Variants in NSD2 observed in about 807,000 individuals in gnomAD.
NSD2 encodes the protein histone-lysine N-methyltransferase NSD2.
In NSD2, 12 loss-of-function variants were observed where a neutral mutation model predicts 139.0. The observed-to-expected ratio is 0.09, with a 90% CI of 0.06 to 0.14. The LOEUF is 0.14. NSD2 is among the 10% of genes least tolerant of loss of function. The pLI is 1.00. For missense variants in NSD2, 1,155 were observed against 1,745.0 expected, an observed-to-expected ratio of 0.66 and a Z score of 6.02; for synonymous variants, 669 against 648.7, an observed-to-expected ratio of 1.03 and a Z score of -0.48.
At position 1,974,845 on chromosome 4, in the gene NSD2, T is replaced by C. The variant is rs1046413494; in HGVS notation, c.3373-18T>C. 6.2e-7 allele frequency: 1 copy of C among 1,613,720 alleles called. No homozygotes were observed. Among genetic ancestry groups the C allele is most frequent in the Admixed American group, 1.7e-5 (1 of 59,992 alleles). On this transcript the variant is annotated intron_variant, in intron 18 of 21. Transcript: ENST00000508803. The surrounding 1 kb of genome is among the most constrained non-coding windows in gnomAD (Gnocchi z 4.0). ...GCGATTGCTAACACTTGACCGAATA[T>C]ATCACTTGACCTTACAGGACCGTAT...
At chr4:1,916,291 G>A (rs1361573443) in intron 3 of NSD2, among the ~76,000 whole-genome samples, 1 of 152,088 alleles carries the variant, frequency 6.6e-6, no homozygotes, top group African/African-American at 2.4e-5. Flanking sequence ...TTTTAAGAGG[G>A]AATAAAGGAG....
Position 1,981,622 on chromosome 4 carries a change from C to A in NSD2, c.*2713C>A. On this transcript the variant is annotated 3_prime_UTR_variant, in exon 22 of 22. Coordinates refer to ENST00000508803, the MANE Select transcript of NSD2 (RefSeq NM_001042424.3). The stretch of plus-strand genomic sequence containing the variant: ...TCTTCAGGCACCTGAAGTGAGAACC[C>A]AGCTGTCCGTCCTCAGGCCGGCCTT... 1 of 378,130 alleles carries A rather than the reference C, an allele frequency of 2.6e-6. No homozygotes were observed. Among genetic ancestry groups the A allele is most frequent in the Non-Finnish European group, 4.7e-6 (1 of 213,508 alleles). 23.4% of individuals were successfully genotyped at this position (378,130 alleles called of 1,614,324 possible). A position where few individuals can be genotyped will look rare whatever the true frequency, so the allele number is the denominator to read the frequency against.
At chr4:1,876,443 C>T (rs953382635) in intron 1 of NSD2, among the ~76,000 whole-genome samples, 1 of 152,132 alleles carries the variant, frequency 6.6e-6, no homozygotes, top group Non-Finnish European at 1.5e-5. Context: ...GTAATTGCAG[C>T]ACTTTGGGAG....
chr4:1,968,647 A>G (rs1035391468), intron 18 of NSD2, among the ~76,000 whole-genome samples: 1 of 152,224 alleles, frequency 6.6e-6, no homozygotes, highest in African/African-American at 2.4e-5. Flanking sequence ...AAAAAAATCA[A>G]AATGTCAATA....
Position 1,901,014 on chromosome 4 carries a change from C to A in NSD2, c.360C>A (p.Gly120=), listed in dbSNP as rs1717095659. The A allele has an allele frequency of 1.2e-6, 2 of 1,614,084 alleles. No individual in the cohort carries two copies. Among genetic ancestry groups the A allele is most frequent in the South Asian group, 2.2e-5 (2 of 91,094 alleles). ...TPPNTTPIKN[G]SPEIKLKITK... The stretch of plus-strand genomic sequence containing the variant: ...CTAACACTACCCCTATCAAAAATGG[C>A]TCTCCAGAAATTAAGCTGAAAATCA... The change falls in exon 2 of 22, where the codon GGC becomes GGA. Residue 120 remains glycine, a synonymous_variant. Transcript: ENST00000508803.
Position 1,958,172 on chromosome 4 carries a change from GC to G in NSD2, c.2985+138del. The G allele has an allele frequency of 1.2e-6, 1 of 836,924 alleles. No homozygotes were observed. The highest frequency in any genetic ancestry group is 1.9e-6 in the Non-Finnish European group (1 of 527,870). 51.8% of individuals were successfully genotyped at this position (836,924 alleles called of 1,614,324 possible). A position where few individuals can be genotyped will look rare whatever the true frequency, so the allele number is the denominator to read the frequency against. ...GGATCTGTGGTGCCTGGCATGGATGGCCACACAAGAGACCATGAGCAAATGG... is the reference window on the plus strand; with the variant it reads ...GGATCTGTGGTGCCTGGCATGGATGGCACACAAGAGACCATGAGCAAATGG... On this transcript the variant is annotated intron_variant, in intron 16 of 21. Transcript: ENST00000508803. This position sits in a 1 kb window ranked among gnomAD's most constrained non-coding sequence, Gnocchi z 4.6.
At chr4:1,960,998 A>C in intron 17 of NSD2, 37 bp from the exon 18 acceptor site, 1 of 1,578,542 alleles carries the variant, frequency 6.3e-7, no homozygotes, top group Non-Finnish European at 8.7e-7. Flanking sequence ...ATTGGTCAGC[A>C]CGCTTTTTGT....
intron 9 of NSD2, chr4:1,944,615 G>A: frequency 9.4e-7 from 1 of 1,063,202 alleles, no homozygotes; most frequent in Admixed American, 5.4e-5. Context: ...TTAGATTGTA[G>A]CTGTTCTAAA....
chr4:1,957,891 G>A (rs113633959), intron 15 of NSD2, 42 bp from the exon 16 acceptor site: 3 of 1,569,756 alleles, frequency 1.9e-6, no homozygotes, highest in Non-Finnish European at 2.6e-6. Context: ...GTAGTTACCT[G>A]TATTTACTAA....
chr4:1,948,774 A>C lies in NSD2; in HGVS notation c.1882-2298A>C. The C allele has an allele frequency of 9.6e-7, 1 of 1,042,274 alleles. No individual in the cohort carries two copies. Among genetic ancestry groups the C allele is most frequent in the Non-Finnish European group, 1.2e-6 (1 of 863,778 alleles). 64.6% of individuals were successfully genotyped at this position (1,042,274 alleles called of 1,614,324 possible). On this transcript the variant is annotated intron_variant, in intron 9 of 21. Coordinates refer to ENST00000508803, the MANE Select transcript of NSD2 (RefSeq NM_001042424.3). The surrounding 1 kb of genome is among the most constrained non-coding windows in gnomAD (Gnocchi z 4.5). Reference sequence around the variant, plus strand: ...AATCTCTCCAAGTGGAAACGTGCTAACTTTTTCTGTAAATCTGAAATAAAA... The same window carrying C: ...AATCTCTCCAAGTGGAAACGTGCTACCTTTTTCTGTAAATCTGAAATAAAA...
At chr4:1,975,184 T>C (rs1726942368) in intron 19 of NSD2, 110 bp from the exon 20 acceptor site, 1 of 1,404,758 alleles carries the variant, frequency 7.1e-7, no homozygotes, top group Non-Finnish European at 9.9e-7. Flanking sequence ...GTCAAGCCAG[T>C]ACAGATACAA....
intron 3 of NSD2, among the ~76,000 whole-genome samples, chr4:1,910,691 T>C (rs1002448827): frequency 3.9e-5 from 6 of 152,246 alleles, no homozygotes; most frequent in Admixed American, 2.0e-4. Context: ...TGTCTTGTGC[T>C]GTTTGATGGT....
Position 1,917,411 on chromosome 4 carries a change from T to C in NSD2, c.927+374T>C, listed in dbSNP as rs555530683. Reference sequence around the variant, plus strand: ...ATGTTGGGCTGAATTCTAAAATTGGTTTTTAAAAGTTTTTATTTCTATTAT... The same window carrying C: ...ATGTTGGGCTGAATTCTAAAATTGGCTTTTAAAAGTTTTTATTTCTATTAT... On this transcript the variant is annotated intron_variant, in intron 4 of 21. Coordinates refer to ENST00000508803, the MANE Select transcript of NSD2 (RefSeq NM_001042424.3). Among the ~76,000 whole-genome samples, 8 of 152,338 alleles carry C rather than the reference T, an allele frequency of 5.3e-5. 1 individual carries two copies. Among genetic ancestry groups the C allele is most frequent in the African/African-American group, 1.9e-4 (8 of 41,586 alleles).
chr4:1,966,447 G>C (rs544403667), intron 18 of NSD2, among the ~76,000 whole-genome samples: 1 of 152,184 alleles, frequency 6.6e-6, no homozygotes, highest in Non-Finnish European at 1.5e-5. Flanking sequence ...ACCAGGTCAG[G>C]AGATCGAGAT....
chr4:1,958,227 G>A lies in NSD2; in HGVS notation c.2985+191G>A, dbSNP rs1421776331. ...GGGGGGATCTGCATGGGGGTTCTTG[G>A]ATCCGCCTTGGAGTGTGAGGCTTGG... On this transcript the variant is annotated intron_variant, in intron 16 of 21. Transcript: ENST00000508803. This position sits in a 1 kb window ranked among gnomAD's most constrained non-coding sequence, Gnocchi z 4.6. 6.6e-6 allele frequency among the ~76,000 whole-genome samples: 1 copy of A among 152,232 alleles called. No homozygotes were observed. The highest frequency in any genetic ancestry group is 1.5e-5 in the Non-Finnish European group (1 of 68,042).
At chr4:1,906,814 C>G (rs1717977659) in intron 3 of NSD2, among the ~76,000 whole-genome samples, 1 of 151,842 alleles carries the variant, frequency 6.6e-6, no homozygotes, top group South Asian at 2.1e-4. Flanking sequence ...GTGTGTGCCA[C>G]TATGCCTGGC....
At position 1,981,271 on chromosome 4, in the gene NSD2, ACT is replaced by A. The variant is rs1235766810; in HGVS notation, c.*2364_*2365del. 1 of 233,196 alleles carries A rather than the reference ACT, an allele frequency of 4.3e-6. No individual in the cohort carries two copies. The highest frequency in any genetic ancestry group is 2.2e-5 in the African/African-American group (1 of 45,354). 14.4% of individuals were successfully genotyped at this position (233,196 alleles called of 1,614,324 possible). ...AATGTCTCTACAATACCCGTTGATA[ACT>A]CAGTGGAGCCAGGCTTTGGGGTAGC... On this transcript the variant is annotated 3_prime_UTR_variant, in exon 22 of 22. Coordinates refer to ENST00000508803, the MANE Select transcript of NSD2 (RefSeq NM_001042424.3).
Position 1,948,246 on chromosome 4 carries a change from A to G in NSD2, c.1882-2826A>G, listed in dbSNP as rs545856376. 9.4e-7 allele frequency: 1 copy of G among 1,064,838 alleles called. No homozygotes were observed. The highest frequency in any genetic ancestry group is 1.1e-6 in the Non-Finnish European group (1 of 878,502). The allele number at this position is 1,064,838 out of a possible 1,614,324, so 66.0% of individuals were successfully genotyped here. A position where few individuals can be genotyped will look rare whatever the true frequency, so the allele number is the denominator to read the frequency against. On this transcript the variant is annotated intron_variant, in intron 9 of 21. Coordinates refer to ENST00000508803, the MANE Select transcript of NSD2 (RefSeq NM_001042424.3). The surrounding 1 kb of genome is among the most constrained non-coding windows in gnomAD (Gnocchi z 4.5). ...GGGAAACAACGGGAAAGTTCTTGAC[A>G]GAGTCTGTGTCCGCTCAGTCCCTGC...
At chr4:1,882,675 A>ACAG (rs551804902) in intron 1 of NSD2, among the ~76,000 whole-genome samples, 40 of 152,234 alleles carry the variant, frequency 2.6e-4, no homozygotes, top group Non-Finnish European at 4.0e-4. Flanking sequence ...AAAAACAACA[A>ACAG]CAACAACAAC....
Sources: allele counts gnomAD v4.1 joint callset (sites outside exome capture counted in the v4.1 genomes callset), GRCh38; gene constraint gnomAD v4.1.1; non-coding constraint Gnocchi (gnomAD v3.1); transcripts MANE v1.5; gene names NCBI Gene and HGNC (gene_info 2026-07-23, HGNC 2026-07-21).